Variants in RC3H1 observed in about 807,000 individuals in gnomAD.
The protein encoded by RC3H1 is ring finger and CCCH-type domains 1, also known as roquin-1.
In RC3H1, 50 loss-of-function variants were observed where a neutral mutation model predicts 138.2. The observed-to-expected ratio is 0.36, with a 90% CI of 0.29 to 0.46. The LOEUF is 0.46. RC3H1 is among the 20% of genes least tolerant of loss of function. RC3H1 has a pLI of 1.00. For synonymous variants in RC3H1, 462 were observed against 489.1 expected, an observed-to-expected ratio of 0.94 and a Z score of 0.73; for missense variants, 1,031 against 1,388.1, an observed-to-expected ratio of 0.74 and a Z score of 4.09.
In RC3H1 at chr1:173,962,093, T is replaced by C. The variant is rs767433559; in HGVS notation, c.1834A>G (p.Met612Val). The C allele has an allele frequency of 3.1e-6, 5 of 1,607,948 alleles. No homozygotes were observed. The highest frequency in any genetic ancestry group is 2.2e-5 in the East Asian group (1 of 44,750). Residue 612 changes from methionine (M) to valine (V), a missense_variant and splice_region_variant, in exon 12 of 20, where the codon ATG becomes GTG. By Grantham distance (21) the Met-to-Val change is conservative. Transcript: ENST00000367696. Reference protein sequence around the residue: ...PFEPAPYQQGMYYTPPPQCVS... With the variant: ...PFEPAPYQQGVYYTPPPQCVS... Reference sequence around the variant, plus strand: ...CATTGTGGTGGTGGAGTATAATACATACCTGCACAATACAAAAGAGGACCC... The same window carrying C: ...CATTGTGGTGGTGGAGTATAATACACACCTGCACAATACAAAAGAGGACCC...
chr1:173,974,178 G>A (rs1660476514), intron 7 of RC3H1, among the ~76,000 whole-genome samples: 1 of 147,790 alleles, frequency 6.8e-6, no homozygotes, highest in African/African-American at 2.5e-5. Flanking sequence ...TACTCCGGAA[G>A]CCAAGGTAGG....
At chr1:173,980,302 G>T (rs1660760774) in intron 6 of RC3H1, among the ~76,000 whole-genome samples, 1 of 150,154 alleles carries the variant, frequency 6.7e-6, no homozygotes, top group Non-Finnish European at 1.5e-5. Context: ...CTGGTAAAAG[G>T]TTAGTGTACT....
chr1:173,951,991 T>A lies in RC3H1; in HGVS notation c.2518A>T (p.Met840Leu). The A allele has an allele frequency of 6.2e-7, 1 of 1,604,124 alleles. No homozygotes were observed. Among genetic ancestry groups the A allele is most frequent in the Non-Finnish European group, 8.5e-7 (1 of 1,176,256 alleles). The change falls in exon 14 of 20, where the codon ATG becomes TTG. Residue 840 changes from methionine (M) to leucine (L), a missense_variant. Physicochemically the swap from Met to Leu is conservative, Grantham distance 15. This residue lies in a region of RC3H1 where 716 missense variants were observed against 837.9 expected (regional missense o/e 0.85). Coordinates refer to ENST00000367696, the MANE Select transcript of RC3H1 (RefSeq NM_172071.4). ...KDVVAAGSVEMMNVESKGMRD... is the reference protein window; with the variant it reads ...KDVVAAGSVELMNVESKGMRD... Reference sequence around the variant, plus strand: ...TGCTTAGCTATTACACATACCATCATTTCCACACTCCCTGCTGCCACAACA... The same window carrying A: ...TGCTTAGCTATTACACATACCATCAATTCCACACTCCCTGCTGCCACAACA...
Position 174,002,213 on chromosome 1 carries a change from T to C in RC3H1, c.-150-9078A>G, listed in dbSNP as rs1661577410. On this transcript the variant is annotated intron_variant, in intron 1 of 19. Transcript: ENST00000367696. ...CAAGACTAAACAGTTTTCCAGGTCATCTTTTGAAATCAGTCCTCTTGCTGC... is the reference window on the plus strand; with the variant it reads ...CAAGACTAAACAGTTTTCCAGGTCACCTTTTGAAATCAGTCCTCTTGCTGC... Among the ~76,000 whole-genome samples, 5 of 152,212 alleles carry C rather than the reference T, an allele frequency of 3.3e-5. No individual in the cohort carries two copies. The South Asian group carries it at 1.0e-3, about 31-fold the overall frequency.
chr1:173,982,117 C>T (rs1209935206), intron 5 of RC3H1, among the ~76,000 whole-genome samples: 4 of 152,158 alleles, frequency 2.6e-5, no homozygotes, highest in African/African-American at 4.8e-5. Flanking sequence ...CGGTGGCTCA[C>T]GCTTGTAATC....
chr1:173,968,889 C>T (rs181994734), intron 9 of RC3H1, among the ~76,000 whole-genome samples: 47 of 140,110 alleles, frequency 3.4e-4, no homozygotes, highest in Middle Eastern at 3.8e-3. Flanking sequence ...GACAGAGTCT[C>T]GCACTGTCGT....
chr1:173,969,880 T>A, intron 9 of RC3H1, among the ~76,000 whole-genome samples: 1 of 151,946 alleles, frequency 6.6e-6, no homozygotes, highest in Non-Finnish European at 1.5e-5. Flanking sequence ...CATCATGCAA[T>A]TAGTTAAATT....
At position 173,935,655 on chromosome 1, in the gene RC3H1, T is replaced by C. The variant is rs1317087419; in HGVS notation, c.*3066A>G. 2 of 152,046 alleles carry C rather than the reference T, an allele frequency of 1.3e-5. No homozygotes were observed. The highest frequency in any genetic ancestry group is 2.9e-5 in the Non-Finnish European group (2 of 68,010). The allele number at this position is 152,046 out of a possible 1,614,324, so 9.4% of individuals were successfully genotyped here. A position where few individuals can be genotyped will look rare whatever the true frequency, so the allele number is the denominator to read the frequency against. ...AAGTAGTTACAGAGTCAAGCAGTTA[T>C]GCCCAAATATGCCATTTGTCCTTAC... On this transcript the variant is annotated 3_prime_UTR_variant, in exon 20 of 20. Coordinates refer to ENST00000367696, the MANE Select transcript of RC3H1 (RefSeq NM_172071.4).
At chr1:173,947,259 T>C (rs1659173847) in intron 15 of RC3H1, 110 bp downstream of exon 15, 2 of 741,256 alleles carry the variant, frequency 2.7e-6, no homozygotes, top group Admixed American at 5.0e-5. Flanking sequence ...AGTTTGAAAA[T>C]TACTGCCTTG....
chr1:173,985,556 C>G (rs192232406), intron 2 of RC3H1, among the ~76,000 whole-genome samples: 1 of 137,278 alleles, frequency 7.3e-6, no homozygotes, highest in East Asian at 2.2e-4. Flanking sequence ...ATTGCATATA[C>G]TTATGGGGTA....
chr1:173,945,055 C>G (rs1193405617), intron 17 of RC3H1, among the ~76,000 whole-genome samples: 1 of 151,896 alleles, frequency 6.6e-6, no homozygotes, highest in Non-Finnish European at 1.5e-5. Flanking sequence ...GAATATGTTC[C>G]AACGTAAAGG....
intron 8 of RC3H1, 76 bp downstream of exon 8, chr1:173,972,433 T>C (rs1660397957): frequency 1.1e-5 from 10 of 935,400 alleles, no homozygotes; most frequent in South Asian, 5.6e-5. Flanking sequence ...TCTGTAGGTA[T>C]ACCCACAGTG....
chr1:173,945,351 C>A (rs1659087590), intron 17 of RC3H1, among the ~76,000 whole-genome samples: 1 of 152,178 alleles, frequency 6.6e-6, no homozygotes, highest in African/African-American at 2.4e-5. Context: ...GTCTCAAACT[C>A]CTGAGCTCAA....
At position 173,936,130 on chromosome 1, in the gene RC3H1, T is replaced by C. The variant is rs533129589; in HGVS notation, c.*2591A>G. On this transcript the variant is annotated 3_prime_UTR_variant, in exon 20 of 20. Coordinates refer to ENST00000367696, the MANE Select transcript of RC3H1 (RefSeq NM_172071.4). Reference sequence around the variant, plus strand: ...CAAGAACAAGTGTATTTAAAGGAAATGAGAACAAGAATAACAGAAACTGAG... The same window carrying C: ...CAAGAACAAGTGTATTTAAAGGAAACGAGAACAAGAATAACAGAAACTGAG... 24 of 152,250 alleles carry C rather than the reference T, an allele frequency of 1.6e-4. No individual in the cohort carries two copies. The highest frequency in any genetic ancestry group is 2.6e-4 in the Non-Finnish European group (18 of 67,994). The allele number at this position is 152,250 out of a possible 1,614,324, so 9.4% of individuals were successfully genotyped here.
intron 7 of RC3H1, 29 bp from the exon 8 acceptor site, chr1:173,972,656 T>A: frequency 6.8e-7 from 1 of 1,460,848 alleles, no homozygotes; most frequent in Non-Finnish European, 9.6e-7. Flanking sequence ...TGTTTTAAAC[T>A]CTAATGTTAC....
chr1:173,972,463 G>T (rs377087356), intron 8 of RC3H1, 46 bp downstream of exon 8: 3 of 1,315,590 alleles, frequency 2.3e-6, no homozygotes, highest in Non-Finnish European at 3.3e-6. Context: ...TAGTTTTAAG[G>T]CATATCCACA....
intron 7 of RC3H1, among the ~76,000 whole-genome samples, chr1:173,972,953 T>A (rs1660429324): frequency 6.6e-6 from 1 of 152,226 alleles, no homozygotes; most frequent in Non-Finnish European, 1.5e-5. Context: ...CTGGGGAGCA[T>A]GTCCCTCATC....
At chr1:173,977,872 G>C (rs1660652333) in intron 7 of RC3H1, among the ~76,000 whole-genome samples, 1 of 152,140 alleles carries the variant, frequency 6.6e-6, no homozygotes, top group South Asian at 2.1e-4. Context: ...AAATGGGAGT[G>C]ATTTAAAGAC....
chr1:173,985,417 C>CAATTCTTCCACATTTTATGTAGAAAGAT (rs1553231023), intron 2 of RC3H1, among the ~76,000 whole-genome samples: 16,824 of 150,534 alleles, frequency 0.11, 1,017 homozygotes, highest in East Asian at 0.21. Context: ...ATAAGGGTTC[C>CAATTCTTCCACATTTTATGTAGAAAGAT]AATTCTTCTA....
Sources: allele counts gnomAD v4.1 joint callset (sites outside exome capture counted in the v4.1 genomes callset), GRCh38; gene constraint gnomAD v4.1.1; regional missense constraint gnomAD v4.1.1; transcripts MANE v1.5; gene names NCBI Gene and HGNC (gene_info 2026-07-23, HGNC 2026-07-21).